Variants in FREM2 observed in about 807,000 individuals in gnomAD.
FREM2 encodes FRAS1-related extracellular matrix protein 2.
In FREM2, 119 loss-of-function variants were observed where a neutral mutation model predicts 219.9. The observed-to-expected ratio is 0.54, with a 90% CI of 0.47 to 0.63. The LOEUF is 0.63. FREM2 is among the 30% of genes least tolerant of loss of function. The probability of loss-of-function intolerance (pLI) is 0.00; values close to 1 mark genes in which losing one functional copy is unlikely to be tolerated. For synonymous variants in FREM2, 1,562 were observed against 1,522.8 expected, an observed-to-expected ratio of 1.03 and a Z score of -0.60; for missense variants, 4,030 against 3,993.6, an observed-to-expected ratio of 1.01 and a Z score of -0.25.
At chr13:38,759,403 T>C (rs923780079) in intron 2 of FREM2, among the ~76,000 whole-genome samples, 2 of 151,412 alleles carry the variant, frequency 1.3e-5, no homozygotes, top group Non-Finnish European at 2.9e-5. Flanking sequence ...CGGGCAGCCC[T>C]GAGCTTTTAG....
At chr13:38,873,274 G>A (rs985805751) in intron 17 of FREM2, among the ~76,000 whole-genome samples, 4 of 151,934 alleles carry the variant, frequency 2.6e-5, no homozygotes, top group African/African-American at 7.3e-5. Context: ...AAGCTCCAAC[G>A]AAAGCAAGAA....
intron 23 of FREM2, 63 bp downstream of exon 23, chr13:38,879,040 A>G (rs953606730): frequency 6.9e-7 from 1 of 1,443,698 alleles, no homozygotes; most frequent in Non-Finnish European, 9.8e-7. Context: ...TGGAACATTT[A>G]TATGCCTCAG....
intron 4 of FREM2, among the ~76,000 whole-genome samples, chr13:38,781,573 C>T (rs145249520): frequency 3.3e-5 from 5 of 152,148 alleles, no homozygotes; most frequent in East Asian, 1.9e-4. Flanking sequence ...TCTGGCAAGT[C>T]GATGTCACCC....
At position 38,688,579 on chromosome 13, in the gene FREM2, T is replaced by C. The variant is rs777768736; in HGVS notation, c.1235T>C (p.Leu412Ser). ...SDQERLFELE[L>S]EVVDLEGAAS... ...CAGGAGCGCCTCTTTGAACTGGAAT[T>C]GGAGGTAGTGGATCTAGAAGGAGCA... Residue 412 changes from leucine to serine, a missense_variant, in exon 1 of 24, where the codon TTG becomes TCG. This residue lies in a region of FREM2 where 3,102 missense variants were observed against 2,950.7 expected (regional missense o/e 1.05). Transcript: ENST00000280481. The C allele has an allele frequency of 1.2e-6, 2 of 1,613,752 alleles. No individual in the cohort carries two copies. Among genetic ancestry groups the C allele is most frequent in the Non-Finnish European group, 1.7e-6 (2 of 1,179,732 alleles).
At chr13:38,738,415 A>G (rs1203681607) in intron 2 of FREM2, among the ~76,000 whole-genome samples, 1 of 151,780 alleles carries the variant, frequency 6.6e-6, no homozygotes, top group Non-Finnish European at 1.5e-5. Context: ...AAAAATACAA[A>G]ATTAGCCAGG....
In FREM2 at chr13:38,688,688, T is replaced by A; in HGVS notation, c.1344T>A (p.Ile448=). 1.2e-6 allele frequency: 2 copies of A among 1,614,072 alleles called. No homozygotes were observed. The highest frequency in any genetic ancestry group is 1.7e-6 in the Non-Finnish European group (2 of 1,180,014). Residue 448 remains isoleucine (I), a synonymous_variant, in exon 1 of 24, where the codon ATT becomes ATA. Transcript: ENST00000280481. The part of the protein sequence containing the change: ...APVVTRNTGL[I]LYEGQSRPLT... ...TGGTCACCCGGAATACCGGTCTTAT[T>A]CTCTATGAGGGTCAGTCTCGGCCCC... is the stretch of plus-strand genomic sequence containing the variant.
In FREM2 at chr13:38,864,657, G is replaced by T. The variant is rs761473176; in HGVS notation, c.7983+51G>T. 3 of 1,502,362 alleles carry T rather than the reference G, an allele frequency of 2.0e-6. 1 individual carries two copies. The highest frequency in any genetic ancestry group is 2.3e-5 in the South Asian group (2 of 88,320). The allele number at this position is 1,502,362 out of a possible 1,614,324, so 93.1% of individuals were successfully genotyped here. On this transcript the variant is annotated intron_variant, in intron 16 of 23. Transcript: ENST00000280481. The stretch of plus-strand genomic sequence containing the variant: ...GGTCACTGGATAAACCAATTGGTTT[G>T]TTTTGTCACATAGATTTGTACTAAG...
In FREM2 at chr13:38,689,456, C is replaced by T; in HGVS notation, c.2112C>T (p.Gly704=). ...TGGATCGCCTCCCTCCGGAGCTGGGCAGTGGCTGTCCCCTTCGTATGGTGG... is the reference window on the plus strand; with the variant it reads ...TGGATCGCCTCCCTCCGGAGCTGGGTAGTGGCTGTCCCCTTCGTATGGTGG... ...HPVDRLPPEL[G]SGCPLRMVVQ... Residue 704 remains glycine (G), a synonymous_variant, in exon 1 of 24, where the codon GGC becomes GGT. Coordinates refer to ENST00000280481, the MANE Select transcript of FREM2 (RefSeq NM_207361.6). The T allele has an allele frequency of 6.2e-7, 1 of 1,614,084 alleles. No individual in the cohort carries two copies. The highest frequency in any genetic ancestry group is 2.2e-5 in the East Asian group (1 of 44,866).
rs1458480838 is a variant in FREM2 at position 38,884,666 on chromosome 13, G to A, written c.*3879G>A. ...ATGAAAACAAGTGTCTTCACTAAGC[G>A]TATGGCCAATAAATGGGACCCAAAC... is the stretch of plus-strand genomic sequence containing the variant. On this transcript the variant is annotated 3_prime_UTR_variant, in exon 24 of 24. Coordinates refer to ENST00000280481, the MANE Select transcript of FREM2 (RefSeq NM_207361.6). 3.3e-5 allele frequency: 5 copies of A among 152,116 alleles called. No homozygotes were observed. Among genetic ancestry groups the A allele is most frequent in the South Asian group, 2.1e-4 (1 of 4,834 alleles). 9.4% of individuals were successfully genotyped at this position (152,116 alleles called of 1,614,324 possible).
At chr13:38,842,226 T>C (rs1182072029) in intron 6 of FREM2, among the ~76,000 whole-genome samples, 2 of 152,200 alleles carry the variant, frequency 1.3e-5, no homozygotes, top group Non-Finnish European at 2.9e-5. Flanking sequence ...GTTAAGTAGC[T>C]TGTGAATAAT....
intron 2 of FREM2, among the ~76,000 whole-genome samples, chr13:38,728,874 T>C (rs1871646478): frequency 1.3e-5 from 2 of 151,834 alleles, no homozygotes; most frequent in Admixed American, 6.6e-5. Context: ...TCGCTCCTGT[T>C]GCCCAGGCTG....
At chr13:38,806,523 A>G (rs1319284034) in intron 6 of FREM2, among the ~76,000 whole-genome samples, 5 of 151,566 alleles carry the variant, frequency 3.3e-5, no homozygotes, top group African/African-American at 7.2e-5. Context: ...ACAGTATGCA[A>G]TAGTCTATTA....
chr13:38,717,412 C>CTTTTTTTTT (rs386378868), intron 2 of FREM2, among the ~76,000 whole-genome samples: 16 of 90,140 alleles, frequency 1.8e-4, no homozygotes, highest in Non-Finnish European at 2.2e-4. Flanking sequence ...TACATAAGTA[C>CTTTTTTTTT]TTTTTTTTTT....
intron 4 of FREM2, among the ~76,000 whole-genome samples, chr13:38,778,318 T>C (rs897516702): frequency 5.3e-5 from 8 of 152,170 alleles, no homozygotes; most frequent in Admixed American, 4.6e-4. Flanking sequence ...GTAGATTTGG[T>C]TCCCGGTGAG....
rs868486811 is a variant in FREM2, at chr13:38,722,749, T to A, written c.5263+24962T>A. Among the ~76,000 whole-genome samples the A allele has an allele frequency of 2.1e-3, 322 of 151,432 alleles. 1 individual carries two copies. Among genetic ancestry groups the A allele is most frequent in the African/African-American group, 7.4e-3 (304 of 41,242 alleles). On this transcript the variant is annotated intron_variant, in intron 2 of 23. Transcript: ENST00000280481. ...GCAGAGGGTGTAGCTGGTAACGTTT[T>A]TTTTTTTTTTTCATCCTACTGCCTG...
chr13:38,877,997 A>G, intron 21 of FREM2, 137 bp from the exon 22 acceptor site: 1 of 758,186 alleles, frequency 1.3e-6, no homozygotes, highest in Non-Finnish European at 2.3e-6. Context: ...TCATGCAAAC[A>G]GGCCTTCAAC....
At chr13:38,855,771 G>A (rs570740717) in intron 11 of FREM2, among the ~76,000 whole-genome samples, 66 of 152,024 alleles carry the variant, frequency 4.3e-4, no homozygotes, top group African/African-American at 1.4e-3. Context: ...CTACAAATTG[G>A]GTACAGTGTA....
At chr13:38,827,636 AGT>A (rs1230526959) in intron 6 of FREM2, 1 of 152,134 alleles carries the variant, frequency 6.6e-6, no homozygotes, top group Non-Finnish European at 1.5e-5. Context: ...TAATGGAAGA[AGT>A]GTGAGAAGGC....
chr13:38,720,217 C>T (rs1055128962), intron 2 of FREM2, among the ~76,000 whole-genome samples: 1 of 152,040 alleles, frequency 6.6e-6, no homozygotes, highest in Non-Finnish European at 1.5e-5. Flanking sequence ...CTGTGACTTT[C>T]CTTTTATCTA....
Sources: allele counts gnomAD v4.1 joint callset (sites outside exome capture counted in the v4.1 genomes callset), GRCh38; gene constraint gnomAD v4.1.1; regional missense constraint gnomAD v4.1.1; transcripts MANE v1.5; gene names NCBI Gene and HGNC (gene_info 2026-07-23, HGNC 2026-07-21).